MACF1: variants seen among roughly 807,000 people sequenced by gnomAD.
The protein encoded by MACF1 is microtubule-actin cross-linking factor 1.
A neutral mutation model predicts 854.8 loss-of-function variants in MACF1; 193 were observed. The observed-to-expected ratio is 0.23, with a 90% CI of 0.20 to 0.25. The LOEUF (loss-of-function observed/expected upper bound fraction) is 0.25, where lower values mean the gene tolerates loss of function less well. Ranked by LOEUF, MACF1 falls within the 10% of genes least tolerant of loss-of-function variation. The pLI, the probability that MACF1 is intolerant of heterozygous loss-of-function variation, is 1.00. For synonymous variants in MACF1, 3,185 were observed against 3,226.7 expected (o/e 0.99, Z 0.44); for missense variants, 7,722 against 8,929.1 (o/e 0.86, Z 5.45).
intron 2 of MACF1, among the ~76,000 whole-genome samples, chr1:39,107,599 CT>C (rs2148139246): frequency 6.6e-6 from 1 of 152,220 alleles, no homozygotes; most frequent in African/African-American, 2.4e-5. Context: ...TGTTACTTTG[CT>C]TATGGAATTC....
intron 5 of MACF1, among the ~76,000 whole-genome samples, chr1:39,256,515 G>C (rs1012684317): frequency 2.0e-5 from 3 of 152,188 alleles, no homozygotes; most frequent in African/African-American, 7.2e-5. Flanking sequence ...ACAAGTTTCA[G>C]TTCAGTAGAA....
At chr1:39,429,160 A>T in intron 63 of MACF1, 82 bp from the exon 64 acceptor site, 1 of 694,012 alleles carries the variant, frequency 1.4e-6, no homozygotes, top group Non-Finnish European at 2.6e-6. Flanking sequence ...TCTTTACTTT[A>T]AATTTGATCT....
intron 72 of MACF1, among the ~76,000 whole-genome samples, chr1:39,440,111 C>CTTTTCTTTTTT (rs1553414036): frequency 0.023 from 1,488 of 64,308 alleles, 34 homozygotes; most frequent in African/African-American, 0.027. Flanking sequence ...CTTTTCTTTT[C>CTTTTCTTTTTT]TTTTTTTTTT....
chr1:39,152,268 C>T (rs1019428408), intron 2 of MACF1, among the ~76,000 whole-genome samples: 7 of 152,070 alleles, frequency 4.6e-5, no homozygotes, highest in Admixed American at 6.6e-5. Flanking sequence ...ACACTGTGCC[C>T]GGCGTGCACA....
intron 40 of MACF1, among the ~76,000 whole-genome samples, chr1:39,341,276 C>T (rs1325985195): frequency 1.3e-5 from 2 of 150,962 alleles, no homozygotes; most frequent in Admixed American, 6.6e-5. Context: ...TCAGGTGATC[C>T]GCCCACCTCG....
At chr1:39,263,960 A>T (rs1205323518) in intron 6 of MACF1, among the ~76,000 whole-genome samples, 2 of 151,560 alleles carry the variant, frequency 1.3e-5, no homozygotes, top group Non-Finnish European at 1.5e-5. Flanking sequence ...TTTTTAGTAG[A>T]GATGGGGTTT....
chr1:39,393,106 A>G (rs999985613), intron 58 of MACF1, among the ~76,000 whole-genome samples: 3 of 151,374 alleles, frequency 2.0e-5, no homozygotes, highest in African/African-American at 7.3e-5. Flanking sequence ...CAGGAGGCTA[A>G]CAAGAAAGGA....
chr1:39,259,562 A>G (rs1317974471), intron 6 of MACF1, among the ~76,000 whole-genome samples: 3 of 152,116 alleles, frequency 2.0e-5, no homozygotes, highest in Admixed American at 2.0e-4. Flanking sequence ...GTACCAGGCC[A>G]TAACAAATGT....
At chr1:39,186,170 A>ATCTCTCTCTCTCTC (rs55658204) in intron 2 of MACF1, among the ~76,000 whole-genome samples, 82 of 109,960 alleles carry the variant, frequency 7.5e-4, no homozygotes, top group East Asian at 2.6e-3. Context: ...GATTCTGAAC[A>ATCTCTCTCTCTCTC]TCTCTCTCTC....
intron 2 of MACF1, among the ~76,000 whole-genome samples, chr1:39,238,127 A>G (rs972651815): frequency 6.6e-6 from 1 of 152,234 alleles, no homozygotes; most frequent in Admixed American, 6.5e-5. Flanking sequence ...CTTTGACTGC[A>G]GTTTTCCCTG....
intron 1 of MACF1, among the ~76,000 whole-genome samples, chr1:39,222,945 GC>G (rs1406251716): frequency 6.6e-6 from 1 of 152,094 alleles, no homozygotes; most frequent in Admixed American, 6.6e-5. Flanking sequence ...ATAGAATTTT[GC>G]CCCTCAAATG....
At chr1:39,365,896 G>A (rs930578590) in intron 49 of MACF1, among the ~76,000 whole-genome samples, 6 of 151,872 alleles carry the variant, frequency 4.0e-5, no homozygotes, top group African/African-American at 1.2e-4. Flanking sequence ...GGCTGGTCTC[G>A]AACTCCTGAC....
intron 52 of MACF1, among the ~76,000 whole-genome samples, chr1:39,375,460 C>T (rs2148546136): frequency 6.6e-6 from 1 of 152,220 alleles, no homozygotes; most frequent in African/African-American, 2.4e-5. Flanking sequence ...TGCCACCACG[C>T]CTGGCTAATT....
intron 97 of MACF1, among the ~76,000 whole-genome samples, chr1:39,477,703 G>A (rs1448050042): frequency 6.6e-6 from 1 of 152,072 alleles, no homozygotes; most frequent in African/African-American, 2.4e-5. Flanking sequence ...GGACAAAGAG[G>A]ACAACTCAAG....
chr1:39,136,232 G>C (rs1028900261), intron 2 of MACF1, among the ~76,000 whole-genome samples: 1 of 152,204 alleles, frequency 6.6e-6, no homozygotes, highest in Admixed American at 6.5e-5. Context: ...AGCCTTAGCA[G>C]AAGGGCCTTG....
In MACF1 at chr1:39,317,517, G is replaced by A. The variant is rs1251621874; in HGVS notation, c.3782+110G>A. On this transcript the variant is annotated intron_variant, in intron 29 of 100. Transcript: ENST00000564288. ...ATTTAAAGGTGGAAATGGATAGGGA[G>A]GGGTGGAAATTTAAAAACCACATAA... The A allele has an allele frequency of 6.5e-6, 8 of 1,235,680 alleles. No individual in the cohort carries two copies. In the African/African-American group the frequency reaches 9.2e-5, roughly 14 times the overall value. The allele number at this position is 1,235,680 out of a possible 1,614,324, so 76.5% of individuals were successfully genotyped here.
chr1:39,244,761 T>C (rs923800292), intron 2 of MACF1, among the ~76,000 whole-genome samples: 1 of 152,026 alleles, frequency 6.6e-6, no homozygotes, highest in African/African-American at 2.4e-5. Context: ...GTATTTTTAG[T>C]AGATAAAAGG....
chr1:39,285,322 A>C lies in MACF1; in HGVS notation c.1285A>C (p.Asn429His), dbSNP rs370951650. 3 of 1,614,180 alleles carry C rather than the reference A, an allele frequency of 1.9e-6. 1 individual carries two copies. ...ERLELLLQIANKIQNGALNCE... is the reference protein window; with the variant it reads ...ERLELLLQIAHKIQNGALNCE... ...GCTGGAATTGCTGCTACAGATTGCA[A>C]ACAAAATCCAGAATGGTGCTTTGAA... Residue 429 changes from asparagine (N) to histidine (H), a missense_variant, in exon 13 of 101, where the codon AAC becomes CAC. Physicochemically the swap from Asn to His is moderately conservative, Grantham distance 68. This residue lies in a region of MACF1 where 1,137 missense variants were observed against 1,263.0 expected (regional missense o/e 0.90). Coordinates refer to ENST00000564288, the MANE Select transcript of MACF1 (RefSeq NM_001394062.1).
intron 2 of MACF1, among the ~76,000 whole-genome samples, chr1:39,190,422 T>TTTTTC (rs1644240921): frequency 2.7e-5 from 3 of 111,666 alleles, no homozygotes; most frequent in Non-Finnish European, 5.2e-5. Context: ...TTTTTTTTGA[T>TTTTTC]GGAATCTTGC....
Sources: allele counts gnomAD v4.1 joint callset (sites outside exome capture counted in the v4.1 genomes callset), GRCh38; gene constraint gnomAD v4.1.1; regional missense constraint gnomAD v4.1.1; transcripts MANE v1.5; gene names NCBI Gene and HGNC (gene_info 2026-07-23, HGNC 2026-07-21).